APBB2: variants seen among roughly 807,000 people sequenced by gnomAD.
APBB2 encodes Fe65-like 1.
A neutral mutation model predicts 82.5 loss-of-function variants in APBB2; 38 were observed. That is an observed-to-expected ratio of 0.46 (90% CI 0.36 to 0.60). The LOEUF (loss-of-function observed/expected upper bound fraction) is 0.60. Among genes scored for constraint, APBB2 ranks in the 20% least tolerant of loss-of-function variants. The pLI, the probability that APBB2 is intolerant of heterozygous loss-of-function variation, is 0.00. For synonymous variants in APBB2, 341 were observed against 368.2 expected (o/e 0.93, Z 0.85); for missense variants, 772 against 972.3 (o/e 0.79, Z 2.74).
intron 12 of APBB2, chr4:40,857,189 C>T (rs966765615): frequency 9.9e-5 from 98 of 985,288 alleles, no homozygotes; most frequent in Non-Finnish European, 1.1e-4. Flanking sequence ...CCTGCGCCCT[C>T]CCTGCCCCGC....
intron 6 of APBB2, among the ~76,000 whole-genome samples, chr4:40,997,057 C>T (rs548296240): frequency 3.9e-5 from 6 of 152,120 alleles, no homozygotes; most frequent in Non-Finnish European, 8.8e-5. Flanking sequence ...AGACCCCTCA[C>T]CCTCACCTAT....
intron 10 of APBB2, among the ~76,000 whole-genome samples, chr4:40,903,764 G>A (rs865849925): frequency 4.6e-5 from 7 of 152,200 alleles, no homozygotes; most frequent in African/African-American, 1.7e-4. Flanking sequence ...ATTCCAGCCT[G>A]TCTTGCTAGA....
In APBB2 at chr4:40,890,164, G is replaced by C. The variant is rs1249157301; in HGVS notation, c.1529+200C>G. The C allele has an allele frequency of 6.3e-6, 4 of 639,124 alleles. No individual in the cohort carries two copies. The African/African-American group carries it at 7.5e-5, about 12-fold the overall frequency. 39.6% of individuals were successfully genotyped at this position (639,124 alleles called of 1,614,324 possible). A position where few individuals can be genotyped will look rare whatever the true frequency, so the allele number is the denominator to read the frequency against. ...CAGGATCAGAGTTGACAAAAGATTT[G>C]AGATACAGAAACCAGGAAGGGAAGC... On this transcript the variant is annotated intron_variant, in intron 12 of 17. Coordinates refer to ENST00000508593, the MANE Select transcript of APBB2 (RefSeq NM_004307.2).
rs560963073 is a variant in APBB2 at position 40,886,488 on chromosome 4, G to GA, written c.1529+3875dup. Among the ~76,000 whole-genome samples, 216 of 145,780 alleles carry GA rather than the reference G, an allele frequency of 1.5e-3. 2 individuals are homozygous for GA. The highest frequency in any genetic ancestry group is 4.2e-3 in the African/African-American group (168 of 39,688). Reference sequence around the variant, plus strand: ...ACAGTGAAACTCCATCTCAAAAAGAGAAAAAAAAAACAAAAGAAATTATGT... The same window carrying GA: ...ACAGTGAAACTCCATCTCAAAAAGAGAAAAAAAAAAACAAAAGAAATTATGT... On this transcript the variant is annotated intron_variant, in intron 12 of 17. Coordinates refer to ENST00000508593, the MANE Select transcript of APBB2 (RefSeq NM_004307.2).
At chr4:40,870,026 CT>C (rs201883194) in intron 12 of APBB2, among the ~76,000 whole-genome samples, 1,912 of 152,134 alleles carry the variant, frequency 0.013, 15 homozygotes, top group Middle Eastern at 0.065. Context: ...ATTCAAGTGT[CT>C]AAAAACTTAG....
intron 5 of APBB2, among the ~76,000 whole-genome samples, chr4:41,024,787 G>A (rs1713278495): frequency 6.6e-6 from 1 of 152,212 alleles, no homozygotes; most frequent in South Asian, 2.1e-4. Context: ...GAGCAGGCCT[G>A]GGCTGCAGCC....
At chr4:41,000,693 G>C (rs954166990) in intron 6 of APBB2, among the ~76,000 whole-genome samples, 1 of 152,162 alleles carries the variant, frequency 6.6e-6, no homozygotes, top group East Asian at 1.9e-4. Flanking sequence ...TGGACTGCAA[G>C]GAACTCTGTG....
rs1368211361 is a variant in APBB2, at chr4:40,864,291, A to AAAACAAAAC, written c.1529+26072_1529+26073insGTTTTGTTT. On this transcript the variant is annotated intron_variant, in intron 12 of 17. Transcript: ENST00000508593. ...CAAAACAAAACAAAACAAAACAAAA[A>AAAACAAAAC]AACCACTGTGTACCTGATTATTGCT... Among the ~76,000 whole-genome samples, 17 of 109,016 alleles carry AAAACAAAAC rather than the reference A, an allele frequency of 1.6e-4. No homozygotes were observed. In the East Asian group the frequency reaches 3.2e-3, roughly 21 times the overall value. 71.5% of individuals were successfully genotyped at this position (109,016 alleles called of 152,430 possible).
At chr4:40,914,102 G>A (rs1276879399) in intron 10 of APBB2, among the ~76,000 whole-genome samples, 1 of 152,126 alleles carries the variant, frequency 6.6e-6, no homozygotes, top group Non-Finnish European at 1.5e-5. Context: ...CAGGCAAGGT[G>A]GCTCACACCT....
intron 3 of APBB2, among the ~76,000 whole-genome samples, chr4:41,076,870 T>C (rs939622716): frequency 2.0e-5 from 3 of 151,974 alleles, no homozygotes; most frequent in Non-Finnish European, 4.4e-5. Context: ...AAAATACAGA[T>C]ACTGTGAGAA....
intron 5 of APBB2, among the ~76,000 whole-genome samples, chr4:41,028,918 T>C (rs1299411323): frequency 6.6e-6 from 1 of 152,184 alleles, no homozygotes; most frequent in Non-Finnish European, 1.5e-5. Flanking sequence ...CCCTCCTCCT[T>C]TTCCCTTTTC....
At chr4:40,837,872 C>T (rs1434953163) in intron 12 of APBB2, among the ~76,000 whole-genome samples, 2 of 152,126 alleles carry the variant, frequency 1.3e-5, no homozygotes, top group Admixed American at 1.3e-4. Context: ...CTTACTGAGC[C>T]CTGGTGTTTC....
chr4:40,819,896 C>T (rs571471396), intron 17 of APBB2, among the ~76,000 whole-genome samples: 2 of 152,254 alleles, frequency 1.3e-5, no homozygotes, highest in South Asian at 2.1e-4. Context: ...CACTGCACCT[C>T]GACCTCCTGG....
chr4:40,853,888 T>C (rs1473589934), intron 12 of APBB2, among the ~76,000 whole-genome samples: 2 of 152,182 alleles, frequency 1.3e-5, no homozygotes, highest in Non-Finnish European at 2.9e-5. Context: ...CTCTGTTGCA[T>C]CACGCTGTTG....
intron 1 of APBB2, among the ~76,000 whole-genome samples, chr4:41,177,258 C>G (rs1322977746): frequency 2.0e-5 from 3 of 152,060 alleles, no homozygotes; most frequent in Admixed American, 2.0e-4. Context: ...CAGTGAAAGA[C>G]AGGAGGCAAA....
chr4:41,169,878 A>C (rs1329743280), intron 1 of APBB2, among the ~76,000 whole-genome samples: 2 of 152,084 alleles, frequency 1.3e-5, no homozygotes, highest in African/African-American at 4.8e-5. Flanking sequence ...TAAGAAGATA[A>C]GATCTAGAAA....
chr4:40,979,086 C>G (rs1287750016), intron 6 of APBB2, among the ~76,000 whole-genome samples: 1 of 152,130 alleles, frequency 6.6e-6, no homozygotes, highest in African/African-American at 2.4e-5. Context: ...GTTCGGGTAA[C>G]TTGATGAGCT....
intron 10 of APBB2, among the ~76,000 whole-genome samples, chr4:40,913,955 G>A (rs1363014790): frequency 6.6e-6 from 1 of 152,174 alleles, no homozygotes; most frequent in African/African-American, 2.4e-5. Flanking sequence ...AAATAAGGGG[G>A]CTGGGTGTGG....
At chr4:40,959,872 C>G (rs1423041713) in intron 6 of APBB2, among the ~76,000 whole-genome samples, 1 of 152,166 alleles carries the variant, frequency 6.6e-6, no homozygotes, top group East Asian at 1.9e-4. Flanking sequence ...CCCACAAAAT[C>G]TTGCCACAGA....
Sources: gnomAD v4.1 joint callset for allele counts (sites outside exome capture counted in the v4.1 genomes callset) on GRCh38, gnomAD v4.1.1 for gene constraint, MANE v1.5 for transcripts, NCBI Gene and HGNC (gene_info 2026-07-23, HGNC 2026-07-21) for gene names.